The following CFAP36 variants were observed in gnomAD, a reference collection of about 807,000 sequenced individuals.
CFAP36 encodes the protein cilia- and flagella-associated protein 36.
A neutral mutation model predicts 50.5 loss-of-function variants in CFAP36; 37 were observed. That is an observed-to-expected ratio of 0.73 (90% confidence interval 0.56 to 0.96). The LOEUF is 0.96. CFAP36 is among the 50% of genes least tolerant of loss of function. The pLI is 0.00. For synonymous variants in CFAP36, 138 were observed against 128.2 expected, an observed-to-expected ratio of 1.08 and a Z score of -0.52; for missense variants, 407 against 396.2, an observed-to-expected ratio of 1.03 and a Z score of -0.23.
chr2:55,544,299 T>C lies in CFAP36; in HGVS notation c.857T>C (p.Met286Thr). Reference protein sequence around the residue: ...LKQKRDKLMSMRKDMRTKQIQ... With the variant: ...LKQKRDKLMSTRKDMRTKQIQ... ...CAGAAGAGAGATAAGTTGATGTCCATGAGAAAGGATATGAGGACTAAACAG... is the reference window on the plus strand; with the variant it reads ...CAGAAGAGAGATAAGTTGATGTCCACGAGAAAGGATATGAGGACTAAACAG... The change falls in exon 9 of 10, where the codon ATG becomes ACG. Residue 286 changes from methionine (M) to threonine (T), a missense_variant. Physicochemically the swap from Met to Thr is moderately conservative, Grantham distance 81. Coordinates refer to ENST00000349456, the MANE Select transcript of CFAP36 (RefSeq NM_080667.7). 6.2e-7 allele frequency: 1 copy of C among 1,613,600 alleles called. No individual in the cohort carries two copies. The highest frequency in any genetic ancestry group is 1.1e-5 in the South Asian group (1 of 91,046).
chr2:55,533,916 T>C lies in CFAP36; in HGVS notation c.441T>C (p.Ser147=). 2.5e-6 allele frequency: 4 copies of C among 1,611,870 alleles called. No individual in the cohort carries two copies. The highest frequency in any genetic ancestry group is 3.4e-6 in the Non-Finnish European group (4 of 1,178,680). ...TAACCGATGGCTCTGATGTGGTCAG[T>C]GACCTTGAACACGAAGAGATGAAAA... The part of the protein sequence containing the change: ...DCLTDGSDVV[S]DLEHEEMKIL... Residue 147 remains serine, a synonymous_variant, in exon 5 of 10, where the codon AGT becomes AGC. Coordinates refer to ENST00000349456, the MANE Select transcript of CFAP36 (RefSeq NM_080667.7).
In CFAP36 at chr2:55,543,958, A is replaced by C. The variant is rs776648413; in HGVS notation, c.661A>C (p.Asn221His). The stretch of plus-strand genomic sequence containing the variant: ...GCCAGAAGTTAAAATGCATTTTGCT[A>C]ATCAGTCAATAGAACCTTTGGGAAG... The part of the protein sequence containing the change: ...PPSEVKMHFA[N>H]QSIEPLGRKV... Residue 221 changes from asparagine to histidine, a missense_variant, in exon 8 of 10, where the codon AAT becomes CAT. Asn to His is a moderately conservative substitution (Grantham distance 68). Transcript: ENST00000349456. The C allele has an allele frequency of 6.2e-7, 1 of 1,613,148 alleles. No individual in the cohort carries two copies. The highest frequency in any genetic ancestry group is 1.7e-5 in the Admixed American group (1 of 59,874).
intron 4 of CFAP36, among the ~76,000 whole-genome samples, chr2:55,530,397 A>C (rs1298322121): frequency 6.6e-6 from 1 of 152,174 alleles, no homozygotes; most frequent in Non-Finnish European, 1.5e-5. Context: ...GACTAACACA[A>C]ACAAGTTCCC....
chr2:55,539,720 C>G (rs961832405), intron 7 of CFAP36, among the ~76,000 whole-genome samples: 15 of 152,192 alleles, frequency 9.9e-5, no homozygotes, highest in African/African-American at 3.4e-4. Context: ...AGCGGCTATA[C>G]CATTTTGCAT....
intron 3 of CFAP36, among the ~76,000 whole-genome samples, chr2:55,524,081 T>C (rs1684139773): frequency 6.6e-6 from 1 of 152,250 alleles, no homozygotes; most frequent in Admixed American, 6.5e-5. Context: ...TTATACAAAC[T>C]ACTGTTTTAT....
intron 6 of CFAP36, among the ~76,000 whole-genome samples, chr2:55,536,102 T>C (rs1684478825): frequency 6.6e-6 from 1 of 152,110 alleles, no homozygotes; most frequent in Non-Finnish European, 1.5e-5. Flanking sequence ...TTTCTCCTTC[T>C]TTATTTTTGT....
At position 55,538,513 on chromosome 2, in the gene CFAP36, C is replaced by T. The variant is rs538625973; in HGVS notation, c.640+928C>T. Among the ~76,000 whole-genome samples, 14 of 152,090 alleles carry T rather than the reference C, an allele frequency of 9.2e-5. No homozygotes were observed. The South Asian group carries it at 2.1e-3, about 23-fold the overall frequency. ...TTCTACATGTTGGTCAGGCTGGTCT[C>T]GAACTCCCAACCTTAGGTGATCTGC... On this transcript the variant is annotated intron_variant, in intron 7 of 9. Transcript: ENST00000349456.
chr2:55,529,688 T>C (rs1247861454), intron 4 of CFAP36, among the ~76,000 whole-genome samples: 24 of 145,570 alleles, frequency 1.6e-4, no homozygotes, highest in African/African-American at 6.1e-4. Context: ...GCTCTGTTGC[T>C]CAGGCTGGAG....
In CFAP36 at chr2:55,544,337, G is replaced by A. The variant is rs748634021; in HGVS notation, c.895G>A (p.Glu299Lys). The change falls in exon 9 of 10, where the codon GAG becomes AAG. Residue 299 changes from glutamate (E) to lysine (K), a missense_variant. Coordinates refer to ENST00000349456, the MANE Select transcript of CFAP36 (RefSeq NM_080667.7). ...GAGGACTAAACAGATACAAAATATG[G>A]AGCAGAAAGGAAAACCCACTGGGGA... ...DMRTKQIQNMEQKGKPTGEVE... is the reference protein window; with the variant it reads ...DMRTKQIQNMKQKGKPTGEVE... The A allele has an allele frequency of 1.2e-6, 2 of 1,613,304 alleles. No individual in the cohort carries two copies. Among genetic ancestry groups the A allele is most frequent in the African/African-American group, 1.3e-5 (1 of 74,866 alleles).
intron 5 of CFAP36, among the ~76,000 whole-genome samples, chr2:55,534,458 G>T (rs1249596285): frequency 2.0e-5 from 3 of 152,178 alleles, no homozygotes; most frequent in African/African-American, 7.2e-5. Flanking sequence ...CGGTCTCCTT[G>T]TTTCCCCAGT....
chr2:55,527,797 A>G (rs561276639), intron 3 of CFAP36, among the ~76,000 whole-genome samples: 121 of 152,174 alleles, frequency 8.0e-4, no homozygotes, highest in South Asian at 3.1e-3. Flanking sequence ...TCAGACCACA[A>G]CATAATTAAA....
intron 6 of CFAP36, among the ~76,000 whole-genome samples, chr2:55,537,035 G>A (rs936524831): frequency 1.1e-4 from 17 of 152,184 alleles, no homozygotes; most frequent in African/African-American, 4.1e-4. Context: ...GAGCCACTGT[G>A]CCCGGCCAAA....
rs751874894 is a variant in CFAP36 at position 55,523,687 on chromosome 2, A to G, written c.181-34A>G. On this transcript the variant is annotated intron_variant, in intron 2 of 9. Coordinates refer to ENST00000349456, the MANE Select transcript of CFAP36 (RefSeq NM_080667.7). ...GCAAACTGTCATGTAGAATTTTTCTATGTAATTATAAAAGTTAAACTTTGT... is the reference window on the plus strand; with the variant it reads ...GCAAACTGTCATGTAGAATTTTTCTGTGTAATTATAAAAGTTAAACTTTGT... 21 of 1,384,990 alleles carry G rather than the reference A, an allele frequency of 1.5e-5. No individual in the cohort carries two copies. The East Asian group carries it at 2.1e-4, about 14-fold the overall frequency. 85.8% of individuals were successfully genotyped at this position (1,384,990 alleles called of 1,614,324 possible). A position where few individuals can be genotyped will look rare whatever the true frequency, so the allele number is the denominator to read the frequency against.
intron 4 of CFAP36, among the ~76,000 whole-genome samples, chr2:55,533,230 C>T (rs749011172): frequency 2.0e-5 from 3 of 152,078 alleles, no homozygotes; most frequent in Admixed American, 6.5e-5. Context: ...CAATGATTTC[C>T]GTAGTATATT....
intron 3 of CFAP36, 36 bp from the exon 4 acceptor site, chr2:55,528,842 T>C (rs767761487): frequency 5.2e-6 from 7 of 1,347,896 alleles, no homozygotes; most frequent in South Asian, 2.6e-5. Flanking sequence ...GTTTTAAAAC[T>C]TGAATCTTCA....
chr2:55,529,797 C>T (rs1283120945), intron 4 of CFAP36, among the ~76,000 whole-genome samples: 7 of 152,046 alleles, frequency 4.6e-5, no homozygotes, highest in African/African-American at 1.7e-4. Flanking sequence ...CAGGCACCTG[C>T]CACCACTCCG....
intron 3 of CFAP36, among the ~76,000 whole-genome samples, chr2:55,524,521 C>G (rs1684151635): frequency 1.3e-5 from 2 of 148,698 alleles, no homozygotes; most frequent in Admixed American, 1.4e-4. Flanking sequence ...CCATCTTGGC[C>G]TCCCAAAGTG....
At chr2:55,538,876 GAA>G (rs1684562307) in intron 7 of CFAP36, 1 of 1,487,274 alleles carries the variant, frequency 6.7e-7, no homozygotes, top group Non-Finnish European at 8.9e-7. Context: ...CCTTAGTTTA[GAA>G]GAACTTCTAT....
chr2:55,531,949 A>C (rs2103649956), intron 4 of CFAP36, among the ~76,000 whole-genome samples: 1 of 152,368 alleles, frequency 6.6e-6, no homozygotes, highest in Middle Eastern at 3.4e-3. Context: ...GACTATTGTC[A>C]GGCCACAGCA....
Sources: gnomAD v4.1 joint callset for allele counts (sites outside exome capture counted in the v4.1 genomes callset) on GRCh38, gnomAD v4.1.1 for gene constraint, MANE v1.5 for transcripts, NCBI Gene and HGNC (gene_info 2026-07-23, HGNC 2026-07-21) for gene names.